Variants in GRID2 observed in about 807,000 individuals in gnomAD.
GRID2 encodes glutamate receptor ionotropic, delta-2.
A neutral mutation model predicts 114.8 loss-of-function variants in GRID2; 33 were observed. That is an observed-to-expected ratio of 0.29 (90% CI 0.22 to 0.38). The LOEUF (loss-of-function observed/expected upper bound fraction) is 0.38. Ranked by LOEUF, GRID2 falls within the 10% of genes least tolerant of loss-of-function variation. The pLI is 1.00. For synonymous variants in GRID2, 505 were observed against 449.9 expected (o/e 1.12, Z -1.55); for missense variants, 1,184 against 1,257.7 (o/e 0.94, Z 0.89).
intron 4 of GRID2, among the ~76,000 whole-genome samples, chr4:93,175,007 A>G (rs1300357928): frequency 6.6e-6 from 1 of 152,132 alleles, no homozygotes; most frequent in Non-Finnish European, 1.5e-5. Flanking sequence ...GCTGGGTGAT[A>G]TGGTAAGTGC....
intron 8 of GRID2, among the ~76,000 whole-genome samples, chr4:93,323,412 G>C (rs4580623): frequency 0.35 from 52,823 of 151,962 alleles, 9,600 homozygotes; most frequent in East Asian, 0.62. Context: ...CTATATCTCT[G>C]TTTTGGTACC....
intron 9 of GRID2, among the ~76,000 whole-genome samples, chr4:93,414,551 A>G (rs1274787768): frequency 6.6e-6 from 1 of 151,768 alleles, no homozygotes; most frequent in Non-Finnish European, 1.5e-5. Flanking sequence ...ATTTATACTT[A>G]CTCTTTCTTC....
chr4:93,577,923 T>C (rs796681556), intron 13 of GRID2, among the ~76,000 whole-genome samples: 42 of 152,330 alleles, frequency 2.8e-4, no homozygotes, highest in African/African-American at 9.1e-4. Context: ...AACAATAAAA[T>C]GGGCACAATT....
intron 8 of GRID2, among the ~76,000 whole-genome samples, chr4:93,352,703 A>G (rs967864060): frequency 1.3e-5 from 2 of 152,066 alleles, no homozygotes; most frequent in African/African-American, 4.8e-5. Flanking sequence ...ATATTTATCC[A>G]TGGGCAACAG....
chr4:92,384,146 T>G (rs1216444335), intron 1 of GRID2, among the ~76,000 whole-genome samples: 3 of 149,530 alleles, frequency 2.0e-5, no homozygotes. Flanking sequence ...TATGTGTGGG[T>G]GTGTGTGTGT....
intron 14 of GRID2, among the ~76,000 whole-genome samples, chr4:93,767,247 C>G (rs1205582580): frequency 6.6e-6 from 1 of 152,078 alleles, no homozygotes; most frequent in Non-Finnish European, 1.5e-5. Flanking sequence ...TGTAAATTCC[C>G]AAGAGTGTGT....
At chr4:93,165,755 T>C (rs1738191095) in intron 4 of GRID2, among the ~76,000 whole-genome samples, 1 of 152,066 alleles carries the variant, frequency 6.6e-6, no homozygotes, top group Non-Finnish European at 1.5e-5. Context: ...TTAAAAGGAC[T>C]CCCTTTAATT....
At chr4:93,575,856 C>T (rs1007459831) in intron 13 of GRID2, among the ~76,000 whole-genome samples, 1 of 151,946 alleles carries the variant, frequency 6.6e-6, no homozygotes, top group South Asian at 2.1e-4. Flanking sequence ...AAAATAAATT[C>T]TATATTTTAG....
At chr4:92,802,141 T>TA (rs1740202767) in intron 2 of GRID2, among the ~76,000 whole-genome samples, 1 of 151,936 alleles carries the variant, frequency 6.6e-6, no homozygotes, top group African/African-American at 2.4e-5. Context: ...CAATATTTTT[T>TA]AGAGAAGTTT....
intron 2 of GRID2, among the ~76,000 whole-genome samples, chr4:92,942,814 C>A (rs1261590872): frequency 6.6e-6 from 1 of 152,126 alleles, no homozygotes; most frequent in Admixed American, 6.6e-5. Context: ...GATTTTATTT[C>A]TCCTTCGCTT....
intron 1 of GRID2, among the ~76,000 whole-genome samples, chr4:92,427,160 TGC>T (rs1438869938): frequency 2.0e-5 from 3 of 152,214 alleles, no homozygotes; most frequent in African/African-American, 7.2e-5. Context: ...ATCAGAAGGA[TGC>T]TCCAAATAAT....
intron 8 of GRID2, among the ~76,000 whole-genome samples, chr4:93,391,813 C>T (rs1257946667): frequency 6.6e-6 from 1 of 152,122 alleles, no homozygotes; most frequent in African/African-American, 2.4e-5. Flanking sequence ...CTACTGTGCT[C>T]ATGCAAATAC....
intron 2 of GRID2, chr4:92,834,097 T>C (rs1396350277): frequency 6.6e-6 from 1 of 152,192 alleles, no homozygotes; most frequent in African/African-American, 2.4e-5. Flanking sequence ...TAAGAGAATA[T>C]TTATTCCTTG....
At chr4:93,071,527 A>G (rs543701998) in intron 2 of GRID2, among the ~76,000 whole-genome samples, 4 of 152,298 alleles carry the variant, frequency 2.6e-5, no homozygotes, top group South Asian at 2.1e-4. Context: ...AAGTAAGGTC[A>G]GGACATAAAG....
chr4:93,675,545 G>A (rs1724778167), intron 14 of GRID2, among the ~76,000 whole-genome samples: 1 of 152,148 alleles, frequency 6.6e-6, no homozygotes, highest in Non-Finnish European at 1.5e-5. Flanking sequence ...GCCATAGTCT[G>A]AAATAAGTAC....
intron 2 of GRID2, among the ~76,000 whole-genome samples, chr4:93,072,484 T>G (rs4475115): frequency 0.47 from 71,359 of 151,870 alleles, 17,361 homozygotes; most frequent in Admixed American, 0.61. Context: ...AGAAAGTTGG[T>G]ATCAGAAGGA....
chr4:93,595,789 T>A (rs1739020871), intron 13 of GRID2, among the ~76,000 whole-genome samples: 1 of 152,222 alleles, frequency 6.6e-6, no homozygotes, highest in African/African-American at 2.4e-5. Flanking sequence ...TACTTTAATT[T>A]CTGTGTAAAG....
At chr4:92,942,653 G>T (rs1319198509) in intron 2 of GRID2, among the ~76,000 whole-genome samples, 11 of 152,234 alleles carry the variant, frequency 7.2e-5, no homozygotes, top group African/African-American at 2.4e-4. Context: ...TGATGCAGTT[G>T]CTTCCTAGCC....
chr4:92,922,720 C>A, intron 2 of GRID2, among the ~76,000 whole-genome samples: 1 of 152,222 alleles, frequency 6.6e-6, no homozygotes, highest in East Asian at 1.9e-4. Context: ...TACTGCAAAT[C>A]AATGAAAATG....
Sources: allele counts gnomAD v4.1 joint callset (sites outside exome capture counted in the v4.1 genomes callset), GRCh38; gene constraint gnomAD v4.1.1; transcripts MANE v1.5; gene names NCBI Gene and HGNC (gene_info 2026-07-23, HGNC 2026-07-21).